The following FBXO8 variants were observed in gnomAD, a reference collection of about 807,000 sequenced individuals.
FBXO8 encodes F-box only protein 8.
In FBXO8, 15 loss-of-function variants were observed where a neutral mutation model predicts 33.4. The ratio of observed to expected loss-of-function variants is 0.45; its 90% CI spans 0.30 to 0.69. The LOEUF (loss-of-function observed/expected upper bound fraction) is 0.69. Ranked by LOEUF, FBXO8 falls within the 30% of genes least tolerant of loss-of-function variation. The pLI is 0.08. For synonymous variants in FBXO8, 132 were observed against 131.5 expected, an observed-to-expected ratio of 1.00 and a Z score of -0.02; for missense variants, 274 against 380.3, an observed-to-expected ratio of 0.72 and a Z score of 2.32.
chr4:174,273,858 T>C (rs776804627), intron 1 of FBXO8, among the ~76,000 whole-genome samples: 3 of 152,186 alleles, frequency 2.0e-5, no homozygotes, highest in East Asian at 1.9e-4. Context: ...ATTATTATTA[T>C]TATTATTACC....
At chr4:174,258,620 T>C (rs1180438462) in intron 3 of FBXO8, among the ~76,000 whole-genome samples, 2 of 152,106 alleles carry the variant, frequency 1.3e-5, no homozygotes, top group Non-Finnish European at 2.9e-5. Context: ...AAGAAGTGTA[T>C]CAGTAAACCT....
intron 3 of FBXO8, among the ~76,000 whole-genome samples, chr4:174,246,869 C>T (rs1360592263): frequency 6.6e-6 from 1 of 151,838 alleles, no homozygotes; most frequent in Non-Finnish European, 1.5e-5. Flanking sequence ...ATCTGGGGAG[C>T]ATTGGAAAAG....
At position 174,277,395 on chromosome 4, in the gene FBXO8, A is replaced by C. The variant is rs1736983486; in HGVS notation, c.-9+6015T>G. ...AAGTTAAACACCAAAATAAAGTAGT[A>C]TTTATTAAGAAAAAGGTAACTACTG... On this transcript the variant is annotated intron_variant, in intron 1 of 5. Coordinates refer to ENST00000393674, the MANE Select transcript of FBXO8 (RefSeq NM_012180.3). This position sits in a 1 kb window ranked among gnomAD's most constrained non-coding sequence, Gnocchi z 4.9. Among the ~76,000 whole-genome samples, 1 of 152,208 alleles carries C rather than the reference A, an allele frequency of 6.6e-6. No individual in the cohort carries two copies. The highest frequency in any genetic ancestry group is 1.5e-5 in the Non-Finnish European group (1 of 68,002).
chr4:174,239,163 T>A lies in FBXO8; in HGVS notation c.603A>T (p.Thr201=). The change falls in exon 5 of 6, where the codon ACA becomes ACT. Residue 201 remains threonine, a synonymous_variant. Coordinates refer to ENST00000393674, the MANE Select transcript of FBXO8 (RefSeq NM_012180.3). Reference sequence around the variant, plus strand: ...AGAACTGATTTCTAAAATTATGCAATGTTACAAGGTCATCCAAGACATCTC... The same window carrying A: ...AGAACTGATTTCTAAAATTATGCAAAGTTACAAGGTCATCCAAGACATCTC... The part of the protein sequence containing the change: ...ERRDVLDDLV[T]LHNFRNQFLP... The A allele has an allele frequency of 6.3e-7, 1 of 1,588,246 alleles. No individual in the cohort carries two copies. The highest frequency in any genetic ancestry group is 1.4e-5 in the African/African-American group (1 of 73,866).
chr4:174,282,536 T>C (rs983004443), intron 1 of FBXO8, among the ~76,000 whole-genome samples: 1 of 152,190 alleles, frequency 6.6e-6, no homozygotes, highest in Non-Finnish European at 1.5e-5. Context: ...TTCTGAAACC[T>C]ACTCTGTTTC....
At position 174,237,924 on chromosome 4, in the gene FBXO8, T is replaced by A. The variant is rs1735925001; in HGVS notation, c.773-325A>T. On this transcript the variant is annotated intron_variant, in intron 5 of 5. Coordinates refer to ENST00000393674, the MANE Select transcript of FBXO8 (RefSeq NM_012180.3). This position sits in a 1 kb window ranked among gnomAD's most constrained non-coding sequence, Gnocchi z 4.4. The stretch of plus-strand genomic sequence containing the variant: ...AAATTCATTCTAGATTTAAAAAATT[T>A]AGAATTGGCTTTATTTTCGTCTTTG... 6.6e-6 allele frequency among the ~76,000 whole-genome samples: 1 copy of A among 152,104 alleles called. No homozygotes were observed. Among genetic ancestry groups the A allele is most frequent in the African/African-American group, 2.4e-5 (1 of 41,440 alleles).
rs1736358072 is a variant in FBXO8, at chr4:174,253,965, C to G, written c.456+5734G>C. ...ACACTCAGGTCCATCAAGAGATCAT[C>G]ATCTCACTAAAGTAACTGGGATACC... is the stretch of plus-strand genomic sequence containing the variant. On this transcript the variant is annotated intron_variant, in intron 3 of 5. Coordinates refer to ENST00000393674, the MANE Select transcript of FBXO8 (RefSeq NM_012180.3). This position sits in a 1 kb window ranked among gnomAD's most constrained non-coding sequence, Gnocchi z 4.5. Among the ~76,000 whole-genome samples the G allele has an allele frequency of 6.6e-6, 1 of 152,146 alleles. No individual in the cohort carries two copies.
chr4:174,246,901 G>A (rs1353128982), intron 3 of FBXO8, among the ~76,000 whole-genome samples: 2 of 151,886 alleles, frequency 1.3e-5, no homozygotes, highest in Non-Finnish European at 2.9e-5. Context: ...TTGGATTCTT[G>A]GGCAAAGTGG....
Position 174,238,975 on chromosome 4 carries a change from T to A in FBXO8, c.772+19A>T. On this transcript the variant is annotated intron_variant, in intron 5 of 5. Coordinates refer to ENST00000393674, the MANE Select transcript of FBXO8 (RefSeq NM_012180.3). ...AAGATGGGCAGGGGGTGATGTACTATTAATATATATATTCTTACCAGGACT... is the reference window on the plus strand; with the variant it reads ...AAGATGGGCAGGGGGTGATGTACTAATAATATATATATTCTTACCAGGACT... 7.0e-7 allele frequency: 1 copy of A among 1,436,268 alleles called. No homozygotes were observed. The allele number at this position is 1,436,268 out of a possible 1,614,324, so 89.0% of individuals were successfully genotyped here. A position where few individuals can be genotyped will look rare whatever the true frequency, so the allele number is the denominator to read the frequency against.
At position 174,274,350 on chromosome 4, in the gene FBXO8, C is replaced by T. The variant is rs1736903831; in HGVS notation, c.-9+9060G>A. On this transcript the variant is annotated intron_variant, in intron 1 of 5. Transcript: ENST00000393674. The surrounding 1 kb of genome is among the most constrained non-coding windows in gnomAD (Gnocchi z 4.0). ...AGGGATAACATTTATGGAACTTAACCCATAGTAGGTAGTTTACAATAAAAG... is the reference window on the plus strand; with the variant it reads ...AGGGATAACATTTATGGAACTTAACTCATAGTAGGTAGTTTACAATAAAAG... Among the ~76,000 whole-genome samples the T allele has an allele frequency of 6.6e-6, 1 of 152,114 alleles. No individual in the cohort carries two copies. Among genetic ancestry groups the T allele is most frequent in the South Asian group, 2.1e-4 (1 of 4,826 alleles).
Position 174,259,912 on chromosome 4 carries a change from CATGAA to C in FBXO8, c.330-92_330-88del. 1 of 1,303,968 alleles carries C rather than the reference CATGAA, an allele frequency of 7.7e-7. No homozygotes were observed. Among genetic ancestry groups the C allele is most frequent in the African/African-American group, 1.5e-5 (1 of 65,934 alleles). The allele number at this position is 1,303,968 out of a possible 1,614,324, so 80.8% of individuals were successfully genotyped here. ...ATGCATATACATGCAAAAATAGTAACATGAAATAAGATTGAATTTTATAGTTCTAA... is the reference window on the plus strand; with the variant it reads ...ATGCATATACATGCAAAAATAGTAACATAAGATTGAATTTTATAGTTCTAA... On this transcript the variant is annotated intron_variant, in intron 2 of 5. Transcript: ENST00000393674. The surrounding 1 kb of genome is among the most constrained non-coding windows in gnomAD (Gnocchi z 4.3).
chr4:174,268,245 T>A (rs1012772278), intron 1 of FBXO8, among the ~76,000 whole-genome samples: 1 of 152,210 alleles, frequency 6.6e-6, no homozygotes, highest in African/African-American at 2.4e-5. Context: ...CCTTACTGTA[T>A]GTGTGTTTCT....
At chr4:174,264,414 C>G (rs1229408893) in intron 1 of FBXO8, among the ~76,000 whole-genome samples, 2 of 152,040 alleles carry the variant, frequency 1.3e-5, no homozygotes, top group African/African-American at 4.8e-5. Flanking sequence ...TGTCTTTTCC[C>G]AGGTACTTCT....
intron 3 of FBXO8, among the ~76,000 whole-genome samples, chr4:174,250,815 G>A (rs1452409592): frequency 6.6e-6 from 1 of 152,090 alleles, no homozygotes; most frequent in Non-Finnish European, 1.5e-5. Context: ...CATCTACTGT[G>A]ACACTGGTAA....
chr4:174,268,509 T>C (rs560464698), intron 1 of FBXO8, among the ~76,000 whole-genome samples: 1 of 152,208 alleles, frequency 6.6e-6, no homozygotes, highest in Non-Finnish European at 1.5e-5. Context: ...CTCGGCTCAC[T>C]GCAAGTTCCG....
At chr4:174,238,759 GTATA>G (rs34800396) in intron 5 of FBXO8, among the ~76,000 whole-genome samples, 1 of 113,800 alleles carries the variant, frequency 8.8e-6, no homozygotes, top group African/African-American at 3.0e-5. Context: ...ACATAGCCAT[GTATA>G]TATATATATA....
In FBXO8 at chr4:174,262,954, C is replaced by T. The variant is rs1393520155; in HGVS notation, c.139G>A (p.Val47Ile). 2.5e-6 allele frequency: 4 copies of T among 1,614,000 alleles called. No individual in the cohort carries two copies. Among genetic ancestry groups the T allele is most frequent in the Non-Finnish European group, 3.4e-6 (4 of 1,179,924 alleles). Residue 47 changes from valine to isoleucine, a missense_variant, in exon 2 of 6, where the codon GTC becomes ATC. Val to Ile is a conservative substitution (Grantham distance 29, BLOSUM62 3). Around this residue, in one of 2 missense-constraint regions of FBXO8, gnomAD observed 88 missense variants for 86.9 expected, o/e 1.01. Transcript: ENST00000393674. The surrounding 1 kb of genome is among the most constrained non-coding windows in gnomAD (Gnocchi z 4.6). The part of the protein sequence containing the change: ...NISNTNHRKQ[V>I]QGGIDIYHLL... ...TGATATATGTCAATGCCTCCTTGGA[C>T]TTGTTTACGATGATTGGTGTTAGAA...
intron 3 of FBXO8, among the ~76,000 whole-genome samples, chr4:174,242,396 GC>G (rs1238747267): frequency 6.6e-6 from 1 of 151,436 alleles, no homozygotes; most frequent in Non-Finnish European, 1.5e-5. Flanking sequence ...ACGAGGTAAT[GC>G]TTTTGAAAGG....
chr4:174,240,333 A>G (rs1168390436), intron 4 of FBXO8, among the ~76,000 whole-genome samples: 2 of 151,750 alleles, frequency 1.3e-5, no homozygotes, highest in Non-Finnish European at 3.0e-5. Context: ...CTACTCTAGC[A>G]AAGTTTCTGG....
Sources: gnomAD v4.1 joint callset for allele counts (sites outside exome capture counted in the v4.1 genomes callset) on GRCh38, gnomAD v4.1.1 for gene constraint, gnomAD v4.1.1 regional missense constraint, Gnocchi (gnomAD v3.1) non-coding constraint, MANE v1.5 for transcripts, NCBI Gene and HGNC (gene_info 2026-07-23, HGNC 2026-07-21) for gene names.